The following OLFM3 variants were observed in gnomAD, a reference collection of about 807,000 sequenced individuals.
The protein encoded by OLFM3 is olfactomedin 3.
In OLFM3, 20 loss-of-function variants were observed where a neutral mutation model predicts 48.6. The observed-to-expected ratio is 0.41, with a 90% CI of 0.29 to 0.60. The LOEUF is 0.60. Among genes scored for constraint, OLFM3 ranks in the 20% least tolerant of loss-of-function variants. The pLI is 0.28. For missense variants in OLFM3, 437 were observed against 544.3 expected, an observed-to-expected ratio of 0.80 and a Z score of 1.96; for synonymous variants, 222 against 198.1, an observed-to-expected ratio of 1.12 and a Z score of -1.01.
intron 1 of OLFM3, among the ~76,000 whole-genome samples, chr1:101,851,552 T>G (rs146243258): frequency 6.6e-6 from 1 of 152,168 alleles, no homozygotes; most frequent in East Asian, 1.9e-4. Flanking sequence ...TGCAATTCAG[T>G]CACCTTGGGT....
chr1:101,897,498 C>T (rs533710510), intron 1 of OLFM3, among the ~76,000 whole-genome samples: 1 of 152,214 alleles, frequency 6.6e-6, no homozygotes, highest in African/African-American at 2.4e-5. Flanking sequence ...TCTATTTACT[C>T]TCTTGAGAAG....
At chr1:101,942,011 G>T (rs1481982987) in intron 1 of OLFM3, among the ~76,000 whole-genome samples, 2 of 152,114 alleles carry the variant, frequency 1.3e-5, no homozygotes, top group East Asian at 3.9e-4. Flanking sequence ...TGTAAATGAG[G>T]AAGCAAGGTT....
At chr1:101,847,546 G>A (rs72729667) in intron 1 of OLFM3, among the ~76,000 whole-genome samples, 2,873 of 151,796 alleles carry the variant, frequency 0.019, 47 homozygotes, top group Non-Finnish European at 0.027. Flanking sequence ...TTTTTAGAAA[G>A]TAACCTAAAA....
At chr1:101,889,809 C>T (rs755060559) in intron 1 of OLFM3, among the ~76,000 whole-genome samples, 47 of 151,928 alleles carry the variant, frequency 3.1e-4, no homozygotes, top group Admixed American at 8.5e-4. Context: ...TACGTTTATT[C>T]TACATATATT....
chr1:101,949,415 C>T (rs1289421489), intron 1 of OLFM3, among the ~76,000 whole-genome samples: 1 of 152,186 alleles, frequency 6.6e-6, no homozygotes. Context: ...TCAAAATTGT[C>T]TCATATACCT....
chr1:101,973,259 G>T (rs1660860239), intron 1 of OLFM3, among the ~76,000 whole-genome samples: 1 of 152,194 alleles, frequency 6.6e-6, no homozygotes, highest in South Asian at 2.1e-4. Flanking sequence ...AACCAGGTGG[G>T]GTGCTGGTGT....
chr1:101,892,878 G>T (rs1181194195), intron 1 of OLFM3, among the ~76,000 whole-genome samples: 1 of 152,018 alleles, frequency 6.6e-6, no homozygotes, highest in African/African-American at 2.4e-5. Context: ...CCTATTCAAG[G>T]AACAAAAGCT....
chr1:101,830,171 T>C (rs1655079990), intron 3 of OLFM3, among the ~76,000 whole-genome samples: 1 of 152,164 alleles, frequency 6.6e-6, no homozygotes, highest in African/African-American at 2.4e-5. Flanking sequence ...CTCTTTCATA[T>C]ATAGTTAACA....
rs137894160 is a variant in OLFM3, at chr1:101,818,325, T to G, written c.592+6701A>C. Among the ~76,000 whole-genome samples the G allele has an allele frequency of 1.8e-4, 27 of 152,154 alleles. No individual in the cohort carries two copies. The East Asian group carries it at 5.2e-3, about 29-fold the overall frequency. On this transcript the variant is annotated intron_variant, in intron 4 of 5. Coordinates refer to ENST00000370103, the MANE Select transcript of OLFM3 (RefSeq NM_058170.4). Reference sequence around the variant, plus strand: ...TAGGAGATAAGAGGAGGATTAATGATAAATAAATATATGATAAAATTTACC... The same window carrying G: ...TAGGAGATAAGAGGAGGATTAATGAGAAATAAATATATGATAAAATTTACC...
At chr1:101,941,228 A>G (rs1659786830) in intron 1 of OLFM3, among the ~76,000 whole-genome samples, 1 of 152,178 alleles carries the variant, frequency 6.6e-6, no homozygotes, top group Non-Finnish European at 1.5e-5. Context: ...AGTTACTGGC[A>G]CCTAGGTCCT....
At chr1:101,942,401 C>T (rs1184221574) in intron 1 of OLFM3, among the ~76,000 whole-genome samples, 1 of 152,090 alleles carries the variant, frequency 6.6e-6, no homozygotes, top group Non-Finnish European at 1.5e-5. Flanking sequence ...TAATTGCAGT[C>T]TTATGTTTTG....
intron 1 of OLFM3, among the ~76,000 whole-genome samples, chr1:101,888,411 A>G (rs539954545): frequency 1.4e-3 from 220 of 152,336 alleles, no homozygotes; most frequent in African/African-American, 4.7e-3. Flanking sequence ...AGGATTCCCT[A>G]TTTAATAAAT....
At chr1:101,906,210 C>G (rs572428525) in intron 1 of OLFM3, among the ~76,000 whole-genome samples, 3 of 151,586 alleles carry the variant, frequency 2.0e-5, no homozygotes, top group Non-Finnish European at 4.4e-5. Context: ...TTTGATGATA[C>G]TTTACTCTGA....
At position 101,849,638 on chromosome 1, in the gene OLFM3, C is replaced by T. The variant is rs188828551; in HGVS notation, c.70-12613G>A. Among the ~76,000 whole-genome samples, 11 of 152,214 alleles carry T rather than the reference C, an allele frequency of 7.2e-5. No individual in the cohort carries two copies. In the East Asian group the frequency reaches 2.1e-3, roughly 29 times the overall value. On this transcript the variant is annotated intron_variant, in intron 1 of 5. Coordinates refer to ENST00000370103, the MANE Select transcript of OLFM3 (RefSeq NM_058170.4). Reference sequence around the variant, plus strand: ...CAAAGCATATCAGAGACAAGAAGGTCACTTAGAGGTATATTCTCACGGTTT... The same window carrying T: ...CAAAGCATATCAGAGACAAGAAGGTTACTTAGAGGTATATTCTCACGGTTT...
chr1:101,964,372 C>T (rs1011069917), intron 1 of OLFM3, among the ~76,000 whole-genome samples: 2 of 152,084 alleles, frequency 1.3e-5, no homozygotes, highest in Non-Finnish European at 2.9e-5. Flanking sequence ...TGCAGTTTAT[C>T]TTTTGGATAA....
chr1:101,975,285 C>T (rs1444064078), intron 1 of OLFM3, among the ~76,000 whole-genome samples: 1 of 152,098 alleles, frequency 6.6e-6, no homozygotes, highest in African/African-American at 2.4e-5. Context: ...AAGTAAATAT[C>T]TGGCTAAATC....
rs146680831 is a variant in OLFM3 at position 101,833,254 on chromosome 1, G to A, written c.217-2427C>T. The stretch of plus-strand genomic sequence containing the variant: ...AGATAATTTTTGCTAAGGCTTGATG[G>A]TGACCTATATTGCAGAATCATGTGT... On this transcript the variant is annotated intron_variant, in intron 2 of 5. Transcript: ENST00000370103. Among the ~76,000 whole-genome samples the A allele has an allele frequency of 1.4e-3, 213 of 152,302 alleles. 1 individual carries two copies. Among genetic ancestry groups the A allele is most frequent in the African/African-American group, 4.9e-3 (205 of 41,560 alleles).
At chr1:101,935,952 A>G (rs1264882352) in intron 1 of OLFM3, among the ~76,000 whole-genome samples, 1 of 152,202 alleles carries the variant, frequency 6.6e-6, no homozygotes, top group Non-Finnish European at 1.5e-5. Flanking sequence ...TCAACAAACT[A>G]GGCATTAAAA....
intron 1 of OLFM3, among the ~76,000 whole-genome samples, chr1:101,899,942 T>G (rs1658336458): frequency 6.6e-6 from 1 of 152,188 alleles, no homozygotes; most frequent in Non-Finnish European, 1.5e-5. Flanking sequence ...TGTTCTAATT[T>G]TAACTTCTTA....
Sources: allele counts gnomAD v4.1 joint callset (sites outside exome capture counted in the v4.1 genomes callset), GRCh38; gene constraint gnomAD v4.1.1; transcripts MANE v1.5; gene names NCBI Gene and HGNC (gene_info 2026-07-23, HGNC 2026-07-21).